Variants in KLHL4 observed in about 807,000 individuals in gnomAD.
KLHL4 encodes the protein kelch like family member 4, also known as kelch-like protein 4.
KLHL4 carries 17 observed loss-of-function variants against 45.8 expected under a neutral mutation model. The observed-to-expected ratio is 0.37, with a 90% CI of 0.25 to 0.56. The LOEUF is 0.56. Among genes scored for constraint, KLHL4 ranks in the 20% least tolerant of loss-of-function variants. KLHL4 has a pLI of 0.79. For synonymous variants in KLHL4, 224 were observed against 189.9 expected (o/e 1.18, Z -1.47); for missense variants, 544 against 544.9 (o/e 1.00, Z 0.02).
rs779820036 is a variant in KLHL4, at chrX:87,613,947, G to C, written c.493G>C (p.Ala165Pro). ...AGAGCAGTTCCATGTTATAAACCAC[G>C]CAGAGCAAACTCTTCGTAAAATGGA... ...SEEQFHVINH[A>P]EQTLRKMENY... Residue 165 changes from alanine (A) to proline (P), a missense_variant, in exon 2 of 11, where the codon GCA becomes CCA. By Grantham distance (27) the Ala-to-Pro change is conservative. Transcript: ENST00000373119. 8.3e-7 allele frequency: 1 copy of C among 1,206,166 alleles called. No individual in the cohort carries two copies. The highest frequency in any genetic ancestry group is 3.0e-5 in the East Asian group (1 of 33,709).
intron 1 of KLHL4, among the ~76,000 whole-genome samples, chrX:87,595,068 G>A (rs1921798027): frequency 1.9e-5 from 2 of 106,288 alleles, no homozygotes; most frequent in Admixed American, 2.0e-4. Flanking sequence ...CGTGCACAAC[G>A]TGCAGGTTTG....
At chrX:87,659,562 C>T (rs1924115067) in intron 9 of KLHL4, among the ~76,000 whole-genome samples, 1 of 100,378 alleles carries the variant, frequency 1.0e-5, no homozygotes, top group Non-Finnish European at 2.1e-5. Flanking sequence ...TTTTTCAGCT[C>T]AAAAATTTTT....
At chrX:87,620,075 T>C (rs1922698506) in intron 4 of KLHL4, among the ~76,000 whole-genome samples, 1 of 111,342 alleles carries the variant, frequency 9.0e-6, no homozygotes, top group Non-Finnish European at 1.9e-5. Context: ...GGGTACCCCG[T>C]TCGTTACCCA....
intron 1 of KLHL4, among the ~76,000 whole-genome samples, chrX:87,562,835 T>C (rs1003640658): frequency 1.8e-5 from 2 of 111,780 alleles, no homozygotes; most frequent in Non-Finnish European, 3.8e-5. Flanking sequence ...CTGGCTTTAG[T>C]TGTGAACCAA....
Position 87,664,801 on chromosome X carries a change from C to T in KLHL4, c.1963C>T (p.Pro655Ser). ...PKGDSWSTVA[P>S]LSVPRDAVAV... ...AGGTGATTCATGGTCAACTGTGGCA[C>T]CTCTGAGTGTTCCTCGAGATGCTGT... is the stretch of plus-strand genomic sequence containing the variant. Residue 655 changes from proline to serine, a missense_variant, in exon 10 of 11, where the codon CCT becomes TCT. Coordinates refer to ENST00000373119, the MANE Select transcript of KLHL4 (RefSeq NM_019117.5). 2 of 1,205,545 alleles carry T rather than the reference C, an allele frequency of 1.7e-6. No homozygotes were observed. Among genetic ancestry groups the T allele is most frequent in the South Asian group, 3.6e-5 (2 of 56,321 alleles).
At chrX:87,549,465 A>T (rs780900097) in intron 1 of KLHL4, among the ~76,000 whole-genome samples, 3 of 111,860 alleles carry the variant, frequency 2.7e-5, no homozygotes, top group Non-Finnish European at 5.7e-5. Flanking sequence ...AGAGCTGCAG[A>T]ACACACATTC....
At chrX:87,604,240 G>C (rs1054174937) in intron 1 of KLHL4, among the ~76,000 whole-genome samples, 7 of 110,377 alleles carry the variant, frequency 6.3e-5, no homozygotes, top group Non-Finnish European at 9.5e-5. Context: ...TATTTTCTTT[G>C]CATGTATACC....
chrX:87,520,930 T>A lies in KLHL4; in HGVS notation c.422+2615T>A, dbSNP rs190209955. 9.8e-5 allele frequency among the ~76,000 whole-genome samples: 11 copies of A among 112,343 alleles called. No individual in the cohort carries two copies. In the East Asian group the frequency reaches 2.8e-3, roughly 29 times the overall value. Reference sequence around the variant, plus strand: ...TATTGCATAAGTATACAGATGGATGTCACAGTGTTAACATGAAAAATCATG... The same window carrying A: ...TATTGCATAAGTATACAGATGGATGACACAGTGTTAACATGAAAAATCATG... On this transcript the variant is annotated intron_variant, in intron 1 of 10. Transcript: ENST00000373119.
intron 1 of KLHL4, among the ~76,000 whole-genome samples, chrX:87,571,184 G>A (rs139585056): frequency 0.014 from 1,600 of 110,819 alleles, 28 homozygotes; most frequent in African/African-American, 0.049. Context: ...AAACTGTAGT[G>A]TATAAATAAA....
At chrX:87,628,442 A>G (rs1923005678) in intron 6 of KLHL4, among the ~76,000 whole-genome samples, 1 of 112,386 alleles carries the variant, frequency 8.9e-6, no homozygotes, top group Non-Finnish European at 1.9e-5. Context: ...TAACAAAAAC[A>G]TTAAATGGGC....
chrX:87,540,189 A>T (rs181311346), intron 1 of KLHL4, among the ~76,000 whole-genome samples: 2 of 111,606 alleles, frequency 1.8e-5, no homozygotes, highest in African/African-American at 3.2e-5. Context: ...GTGGTGAGTG[A>T]CTGTGAAGGC....
At chrX:87,555,486 AT>A (rs1385396459) in intron 1 of KLHL4, among the ~76,000 whole-genome samples, 1 of 110,579 alleles carries the variant, frequency 9.0e-6, no homozygotes, top group African/African-American at 3.3e-5. Context: ...TTTCTTCTAG[AT>A]TTTGTAGTTT....
At chrX:87,565,451 C>T (rs895594706) in intron 1 of KLHL4, among the ~76,000 whole-genome samples, 2 of 110,569 alleles carry the variant, frequency 1.8e-5, no homozygotes, top group South Asian at 3.8e-4. Flanking sequence ...TAAGAGGTCG[C>T]GTGTGGTGGC....
chrX:87,565,265 G>A (rs1406945897), intron 1 of KLHL4, among the ~76,000 whole-genome samples: 1 of 111,468 alleles, frequency 9.0e-6, no homozygotes, highest in Admixed American at 9.5e-5. Context: ...AAAAATAAGA[G>A]CAAAAAGAGC....
At chrX:87,599,191 A>G (rs993873725) in intron 1 of KLHL4, among the ~76,000 whole-genome samples, 2 of 110,653 alleles carry the variant, frequency 1.8e-5, no homozygotes. Flanking sequence ...ATATGTGTCT[A>G]CTTCTTCTCA....
chrX:87,571,278 G>T (rs1451310739), intron 1 of KLHL4, among the ~76,000 whole-genome samples: 2 of 110,597 alleles, frequency 1.8e-5, no homozygotes, highest in Non-Finnish European at 3.8e-5. Flanking sequence ...TAGATTAAAT[G>T]AACCCTTTTT....
At position 87,668,347 on chromosome X, in the gene KLHL4, T is replaced by A; in HGVS notation, c.*1813T>A. The A allele has an allele frequency of 1.3e-6, 1 of 754,155 alleles. No homozygotes were observed. Among genetic ancestry groups the A allele is most frequent in the Non-Finnish European group, 1.6e-6 (1 of 639,032 alleles). The allele number at this position is 754,155 out of a possible 1,213,427, so 62.2% of individuals were successfully genotyped here. On this transcript the variant is annotated 3_prime_UTR_variant, in exon 11 of 11. Transcript: ENST00000373119. ...AACGAGGTGCTACCAATAGGCAGACTGTGTCTAGAGTCATGCATGGACAAG... is the reference window on the plus strand; with the variant it reads ...AACGAGGTGCTACCAATAGGCAGACAGTGTCTAGAGTCATGCATGGACAAG...
chrX:87,567,187 A>G (rs1246750835), intron 1 of KLHL4, among the ~76,000 whole-genome samples: 3 of 111,505 alleles, frequency 2.7e-5, no homozygotes, highest in African/African-American at 9.8e-5. Flanking sequence ...GGCAGCTAAC[A>G]TCATATATCA....
chrX:87,537,893 G>T (rs1051077045), intron 1 of KLHL4, among the ~76,000 whole-genome samples: 15 of 111,169 alleles, frequency 1.3e-4, no homozygotes, highest in African/African-American at 4.9e-4. Flanking sequence ...CACTTAGTTG[G>T]TATTTCATTA....
Sources: allele counts gnomAD v4.1 joint callset (sites outside exome capture counted in the v4.1 genomes callset), GRCh38; gene constraint gnomAD v4.1.1; transcripts MANE v1.5; gene names NCBI Gene and HGNC (gene_info 2026-07-23, HGNC 2026-07-21).